Variants in FRRS1 observed in about 807,000 individuals in gnomAD.
The protein encoded by FRRS1 is ferric reductase 1.
In FRRS1, 51 loss-of-function variants were observed where a neutral mutation model predicts 70.7. That is an observed-to-expected ratio of 0.72 (90% CI 0.58 to 0.91). The LOEUF is 0.91. Among genes scored for constraint, FRRS1 ranks in the 40% least tolerant of loss-of-function variants. FRRS1 has a pLI of 0.00. For synonymous variants in FRRS1, 225 were observed against 238.7 expected (o/e 0.94, Z 0.53); for missense variants, 672 against 726.0 (o/e 0.93, Z 0.86).
intron 1 of FRRS1, among the ~76,000 whole-genome samples, chr1:99,760,567 G>A (rs1015890451): frequency 6.6e-5 from 10 of 152,122 alleles, no homozygotes; most frequent in African/African-American, 1.7e-4. Context: ...TTTCAGAGAA[G>A]GTTCTAAAAA....
chr1:99,747,752 T>C (rs545612518), intron 3 of FRRS1: 2 of 185,680 alleles, frequency 1.1e-5, no homozygotes, highest in East Asian at 1.4e-4. Flanking sequence ...GCTTATCACC[T>C]GAGTGATGAA....
chr1:99,743,540 T>C (rs1203915756), intron 4 of FRRS1, among the ~76,000 whole-genome samples: 7 of 152,172 alleles, frequency 4.6e-5, no homozygotes, highest in Non-Finnish European at 1.0e-4. Flanking sequence ...TACCATAAAA[T>C]ATGCACACAC....
intron 9 of FRRS1, among the ~76,000 whole-genome samples, chr1:99,722,081 C>T (rs1654862375): frequency 6.6e-6 from 1 of 151,884 alleles, no homozygotes; most frequent in Admixed American, 6.6e-5. Flanking sequence ...GTAATCATAA[C>T]TCATTGCAGC....
At chr1:99,755,323 C>A (rs1442473745) in intron 1 of FRRS1, among the ~76,000 whole-genome samples, 1 of 150,850 alleles carries the variant, frequency 6.6e-6, no homozygotes, top group Non-Finnish European at 1.5e-5. Context: ...ACTCAAGAGG[C>A]CGAGGTGGAA....
At chr1:99,752,449 A>C (rs1656615878) in intron 1 of FRRS1, among the ~76,000 whole-genome samples, 1 of 152,194 alleles carries the variant, frequency 6.6e-6, no homozygotes, top group African/African-American at 2.4e-5. Flanking sequence ...GAGGAGAAGG[A>C]GAGAGATTGG....
Position 99,748,956 on chromosome 1 carries a change from T to C in FRRS1, c.-60A>G. 1 of 499,510 alleles carries C rather than the reference T, an allele frequency of 2.0e-6. No individual in the cohort carries two copies. The highest frequency in any genetic ancestry group is 3.5e-6 in the Non-Finnish European group (1 of 283,660). The allele number at this position is 499,510 out of a possible 1,614,324, so 30.9% of individuals were successfully genotyped here. Reference sequence around the variant, plus strand: ...CGAATTTCAATCTCAGCTCTACAAATTACTGTGAGACTTTGGGCAAATCAT... The same window carrying C: ...CGAATTTCAATCTCAGCTCTACAAACTACTGTGAGACTTTGGGCAAATCAT... On this transcript the variant is annotated 5_prime_UTR_variant, in exon 2 of 17. Transcript: ENST00000646001.
At chr1:99,716,895 T>G (rs10875243) in intron 11 of FRRS1, among the ~76,000 whole-genome samples, 72,579 of 152,068 alleles carry the variant, frequency 0.48, 21,017 homozygotes, top group African/African-American at 0.82. Context: ...GCATGAAAAA[T>G]AACACGTTCA....
At chr1:99,743,838 C>T (rs1656096215) in intron 4 of FRRS1, among the ~76,000 whole-genome samples, 1 of 152,160 alleles carries the variant, frequency 6.6e-6, no homozygotes, top group African/African-American at 2.4e-5. Context: ...GGATGAGCCA[C>T]TGCACCCAGC....
Position 99,705,752 on chromosome 1 carries a change from T to C in FRRS1, c.*3276A>G, listed in dbSNP as rs1654021832. 1.3e-5 allele frequency among the ~76,000 whole-genome samples: 2 copies of C among 152,220 alleles called. No individual in the cohort carries two copies. The highest frequency in any genetic ancestry group is 1.3e-4 in the Admixed American group (2 of 15,286). Reference sequence around the variant, plus strand: ...GATTGATTTCTGCAGACCAGAGAATTTTTTTATTGCCTCAGCTATTAATGC... The same window carrying C: ...GATTGATTTCTGCAGACCAGAGAATCTTTTTATTGCCTCAGCTATTAATGC... On this transcript the variant is annotated 3_prime_UTR_variant, in exon 17 of 17. Coordinates refer to ENST00000646001, the MANE Select transcript of FRRS1 (RefSeq NM_001361041.2).
chr1:99,763,802 A>G (rs1165518959), intron 1 of FRRS1, among the ~76,000 whole-genome samples: 1 of 149,212 alleles, frequency 6.7e-6, no homozygotes, highest in African/African-American at 2.5e-5. Context: ...CTGGAGGCAG[A>G]GGTTGAGGTG....
rs1379655107 is a variant in FRRS1, at chr1:99,707,580, TTACC to T, written c.*1444_*1447del. On this transcript the variant is annotated 3_prime_UTR_variant, in exon 17 of 17. Transcript: ENST00000646001. ...GGTTACTAATTTAAGGTTTTAACCC[TTACC>T]CCAACCACCCAAAAAAAGTAGCCAT... 2.0e-5 allele frequency among the ~76,000 whole-genome samples: 3 copies of T among 152,168 alleles called. No homozygotes were observed. The highest frequency in any genetic ancestry group is 4.4e-5 in the Non-Finnish European group (3 of 68,032).
intron 1 of FRRS1, among the ~76,000 whole-genome samples, chr1:99,757,396 G>T (rs193119046): frequency 1.8e-3 from 278 of 152,192 alleles, no homozygotes; most frequent in Middle Eastern, 6.8e-3. Flanking sequence ...CAGTAAAAAA[G>T]AAAAGTTCTC....
intron 9 of FRRS1, among the ~76,000 whole-genome samples, chr1:99,721,945 G>A (rs956338706): frequency 2.0e-5 from 3 of 151,740 alleles, no homozygotes; most frequent in East Asian, 1.9e-4. Context: ...CATCCAGACC[G>A]TTATATGGGT....
chr1:99,724,521 G>C (rs969677543), intron 9 of FRRS1, among the ~76,000 whole-genome samples: 2 of 152,164 alleles, frequency 1.3e-5, no homozygotes, highest in Non-Finnish European at 2.9e-5. Flanking sequence ...ATTGAAATTG[G>C]ATACATTTTA....
rs114066098 is a variant in FRRS1, at chr1:99,734,438, C to A, written c.759+3648G>T. ...AAAAAATATGTATTTATATACACCA[C>A]AAAAATCAACTTAGGTAGATAGAAA... On this transcript the variant is annotated intron_variant, in intron 7 of 16. Coordinates refer to ENST00000646001, the MANE Select transcript of FRRS1 (RefSeq NM_001361041.2). Among the ~76,000 whole-genome samples the A allele has an allele frequency of 2.6e-3, 390 of 152,162 alleles. 3 individuals are homozygous for A. The highest frequency in any genetic ancestry group is 9.1e-3 in the African/African-American group (376 of 41,518).
In FRRS1 at chr1:99,708,179, T is replaced by C. The variant is rs1209240808; in HGVS notation, c.*849A>G. ...TTACTAGAGAAGTAACAAAATACAC[T>C]GAGCAAAGGATATGTCCAAAAAACT... On this transcript the variant is annotated 3_prime_UTR_variant, in exon 17 of 17. Coordinates refer to ENST00000646001, the MANE Select transcript of FRRS1 (RefSeq NM_001361041.2). Among the ~76,000 whole-genome samples the C allele has an allele frequency of 1.3e-5, 2 of 152,164 alleles. No individual in the cohort carries two copies. The highest frequency in any genetic ancestry group is 2.4e-5 in the African/African-American group (1 of 41,450).
At chr1:99,715,846 T>C (rs1022682125) in intron 11 of FRRS1, among the ~76,000 whole-genome samples, 174 bp from the exon 12 acceptor site, 1 of 151,798 alleles carries the variant, frequency 6.6e-6, no homozygotes. Context: ...AAACTTAGTA[T>C]ACAATTAAAC....
intron 1 of FRRS1, among the ~76,000 whole-genome samples, chr1:99,750,069 C>T (rs1465380949): frequency 6.6e-6 from 1 of 152,144 alleles, no homozygotes; most frequent in African/African-American, 2.4e-5. Context: ...TTAACCGCAG[C>T]CTAACCTGCT....
chr1:99,710,945 T>C lies in FRRS1; in HGVS notation c.1485A>G (p.Ala495=), dbSNP rs772476374. The change falls in exon 15 of 17, where the codon GCA becomes GCG. Residue 495 remains alanine (A), a synonymous_variant. Transcript: ENST00000646001. ...MGTAARIIAV[A]AMFLGMDLPG... ...GTAAATCCATTCCCAGGAACATCGC[T>C]GCCACTACATACAAAAGAAAAAAGT... 5.6e-5 allele frequency: 91 copies of C among 1,612,644 alleles called. 1 individual carries two copies. The highest frequency in any genetic ancestry group is 7.4e-5 in the Non-Finnish European group (87 of 1,179,078).
Sources: allele counts gnomAD v4.1 joint callset (sites outside exome capture counted in the v4.1 genomes callset), GRCh38; gene constraint gnomAD v4.1.1; transcripts MANE v1.5; gene names NCBI Gene and HGNC (gene_info 2026-07-23, HGNC 2026-07-21).